The following PTPRA variants were observed in gnomAD, a reference collection of about 807,000 sequenced individuals.
PTPRA encodes the protein protein tyrosine phosphatase receptor type A, also known as receptor-type tyrosine-protein phosphatase alpha.
A neutral mutation model predicts 104.8 loss-of-function variants in PTPRA; 25 were observed. The ratio of observed to expected loss-of-function variants is 0.24; its 90% CI spans 0.17 to 0.33. PTPRA has a LOEUF of 0.33. Among genes scored for constraint, PTPRA ranks in the 10% least tolerant of loss-of-function variants. The pLI, the probability that PTPRA is intolerant of heterozygous loss-of-function variation, is 1.00. For missense variants in PTPRA, 765 were observed against 1,015.3 expected (o/e 0.75, Z 3.35); for synonymous variants, 323 against 368.9 (o/e 0.88, Z 1.43).
At chr20:2,983,568 C>CAAAAAAAA (rs58694839) in intron 6 of PTPRA, among the ~76,000 whole-genome samples, 3 of 93,418 alleles carry the variant, frequency 3.2e-5, no homozygotes, top group Non-Finnish European at 4.3e-5. Flanking sequence ...AAAAAAAATG[C>CAAAAAAAA]AAAAAAAAAA....
chr20:2,963,099 T>C (rs2061817366), intron 3 of PTPRA, among the ~76,000 whole-genome samples: 1 of 152,156 alleles, frequency 6.6e-6, no homozygotes, highest in Non-Finnish European at 1.5e-5. Flanking sequence ...CTATCTTACA[T>C]GGTTCGAGGT....
At chr20:3,033,873 G>A (rs1000144924) in intron 20 of PTPRA, among the ~76,000 whole-genome samples, 13 of 144,356 alleles carry the variant, frequency 9.0e-5, no homozygotes, top group Admixed American at 6.3e-4. Flanking sequence ...GCACTCCAGC[G>A]TGGGCAATAA....
intron 1 of PTPRA, among the ~76,000 whole-genome samples, chr20:2,886,433 G>A (rs1044332738): frequency 2.6e-5 from 4 of 151,840 alleles, no homozygotes; most frequent in African/African-American, 4.8e-5. Flanking sequence ...GTATATAAGG[G>A]TTTATTATAG....
At chr20:2,964,137 AT>A in intron 3 of PTPRA, 134 bp from the exon 4 acceptor site, 1 of 703,896 alleles carries the variant, frequency 1.4e-6, no homozygotes, top group South Asian at 1.8e-5. Context: ...AAGCATGCAT[AT>A]CAGGCTCCCA....
chr20:2,902,025 A>G (rs558401936), intron 1 of PTPRA, among the ~76,000 whole-genome samples: 1 of 151,976 alleles, frequency 6.6e-6, no homozygotes, highest in Admixed American at 6.6e-5. Context: ...ACCTGGGACT[A>G]CAGGTGAGCA....
intron 1 of PTPRA, among the ~76,000 whole-genome samples, chr20:2,922,914 C>G (rs2147369718): frequency 6.6e-6 from 1 of 152,228 alleles, no homozygotes; most frequent in East Asian, 1.9e-4. Flanking sequence ...GGATTACAGG[C>G]ATGAGCCACC....
chr20:2,905,581 GA>G (rs1214443092), intron 1 of PTPRA, among the ~76,000 whole-genome samples: 1 of 151,070 alleles, frequency 6.6e-6, no homozygotes, highest in Admixed American at 6.6e-5. Flanking sequence ...TGTAGATCTT[GA>G]ACAAATTGGA....
intron 17 of PTPRA, 123 bp from the exon 18 acceptor site, chr20:3,026,564 G>A: frequency 1.4e-6 from 1 of 702,018 alleles, no homozygotes; most frequent in Non-Finnish European, 2.5e-6. Flanking sequence ...AGAGGTCAGG[G>A]CCCTGGTGAG....
rs1214065850 is a variant in PTPRA, at chr20:3,021,425, G to A, written c.1158G>A (p.Gln386=). 6.2e-7 allele frequency: 1 copy of A among 1,613,998 alleles called. No individual in the cohort carries two copies. The highest frequency in any genetic ancestry group is 1.3e-5 in the African/African-American group (1 of 75,048). ...ACACAGTACGGAAGTTCTGCATCCA[G>A]CAGGTAGTGTCTCCTCTGTCCTTTC... is the stretch of plus-strand genomic sequence containing the variant. The part of the protein sequence containing the change: ...VDYTVRKFCI[Q]QVGDMTNRKP... Residue 386 remains glutamine (Q), a synonymous_variant, in exon 14 of 24, where the codon CAG becomes CAA. Coordinates refer to ENST00000399903, the MANE Select transcript of PTPRA (RefSeq NM_001385305.1).
At chr20:3,000,111 C>T (rs535490585) in intron 9 of PTPRA, among the ~76,000 whole-genome samples, 1 of 152,090 alleles carries the variant, frequency 6.6e-6, no homozygotes, top group Admixed American at 6.6e-5. Context: ...CGGTGAGACC[C>T]TGTCTCTACA....
At chr20:3,008,204 G>C (rs527549820) in intron 11 of PTPRA, among the ~76,000 whole-genome samples, 1 of 152,302 alleles carries the variant, frequency 6.6e-6, no homozygotes, top group African/African-American at 2.4e-5. Context: ...TAAAAGCCAG[G>C]TGGGAGCACT....
At chr20:2,954,374 T>TA (rs2061463163) in intron 3 of PTPRA, among the ~76,000 whole-genome samples, 1 of 152,074 alleles carries the variant, frequency 6.6e-6, no homozygotes, top group Non-Finnish European at 1.5e-5. Context: ...CCACCACACC[T>TA]GGCCCCCAGC....
At chr20:2,944,586 T>C (rs971349068) in intron 2 of PTPRA, among the ~76,000 whole-genome samples, 1 of 152,178 alleles carries the variant, frequency 6.6e-6, no homozygotes, top group African/African-American at 2.4e-5. Flanking sequence ...CTTCTGCATT[T>C]TATTGGTTTA....
intron 1 of PTPRA, among the ~76,000 whole-genome samples, chr20:2,898,051 T>C (rs1469852451): frequency 6.6e-6 from 1 of 151,820 alleles, no homozygotes; most frequent in African/African-American, 2.4e-5. Context: ...TAGCTGGGAT[T>C]GTAGGCACCT....
intron 6 of PTPRA, among the ~76,000 whole-genome samples, chr20:2,978,758 G>A (rs1404801073): frequency 6.6e-6 from 1 of 152,150 alleles, no homozygotes; most frequent in African/African-American, 2.4e-5. Flanking sequence ...CATCTACTCA[G>A]CTCTGCCTTT....
chr20:2,980,555 A>T (rs2062629102), intron 6 of PTPRA, among the ~76,000 whole-genome samples: 1 of 151,964 alleles, frequency 6.6e-6, no homozygotes, highest in African/African-American at 2.4e-5. Context: ...GTCTCGAGAA[A>T]AGAAAAAAAA....
chr20:2,954,359 G>A (rs192966543), intron 3 of PTPRA, among the ~76,000 whole-genome samples: 31 of 150,944 alleles, frequency 2.1e-4, no homozygotes, highest in African/African-American at 4.4e-4. Flanking sequence ...GATTACAGGC[G>A]TGCGCCACCA....
chr20:2,894,928 A>G (rs1372101192), intron 1 of PTPRA, among the ~76,000 whole-genome samples: 1 of 150,450 alleles, frequency 6.6e-6, no homozygotes, highest in Non-Finnish European at 1.5e-5. Flanking sequence ...CGGAGCTTGC[A>G]GTGAGCAGAG....
intron 3 of PTPRA, among the ~76,000 whole-genome samples, chr20:2,956,937 C>G (rs1306508580): frequency 2.6e-5 from 4 of 152,204 alleles, no homozygotes; most frequent in Non-Finnish European, 5.9e-5. Flanking sequence ...TACTCAAACT[C>G]TTGCCAATGC....
Sources: gnomAD v4.1 joint callset for allele counts (sites outside exome capture counted in the v4.1 genomes callset) on GRCh38, gnomAD v4.1.1 for gene constraint, MANE v1.5 for transcripts, NCBI Gene and HGNC (gene_info 2026-07-23, HGNC 2026-07-21) for gene names.